Variants in MRO observed in about 807,000 individuals in gnomAD.
The protein encoded by MRO is protein maestro.
Under a neutral mutation model 31.0 loss-of-function variants are expected in MRO, and 28 were observed. The ratio of observed to expected loss-of-function variants is 0.90; its 90% CI spans 0.67 to 1.24. MRO has a LOEUF of 1.24. MRO is among the 50% of genes most tolerant of loss of function. The probability of loss-of-function intolerance (pLI) is 0.00; values close to 1 mark genes in which losing one functional copy is unlikely to be tolerated. For missense variants in MRO, 332 were observed against 289.2 expected, an observed-to-expected ratio of 1.15 and a Z score of -1.07; for synonymous variants, 108 against 108.4, an observed-to-expected ratio of 1.00 and a Z score of 0.02.
intron 2 of MRO, among the ~76,000 whole-genome samples, chr18:50,816,394 G>A (rs1397845779): frequency 6.6e-6 from 1 of 152,128 alleles, no homozygotes; most frequent in Non-Finnish European, 1.5e-5. Flanking sequence ...TGTGGTAGTG[G>A]TTCCAAGAAT....
intron 3 of MRO, 61 bp downstream of exon 3, chr18:50,809,241 C>G: frequency 7.9e-7 from 1 of 1,258,976 alleles, no homozygotes; most frequent in Non-Finnish European, 1.1e-6. Context: ...ACCAAGCAAA[C>G]ATACATCTTA....
At chr18:50,817,713 G>A (rs1012569230) in intron 2 of MRO, among the ~76,000 whole-genome samples, 12 of 150,330 alleles carry the variant, frequency 8.0e-5, no homozygotes, top group African/African-American at 2.9e-4. Flanking sequence ...AGTCAGGGAG[G>A]GAGCTGGGGC....
At chr18:50,812,804 G>A (rs528861916) in intron 2 of MRO, among the ~76,000 whole-genome samples, 9 of 152,156 alleles carry the variant, frequency 5.9e-5, no homozygotes, top group Non-Finnish European at 1.0e-4. Flanking sequence ...TCTTAACCCT[G>A]GCTACATTAG....
At chr18:50,808,562 G>A (rs1238173909) in intron 3 of MRO, among the ~76,000 whole-genome samples, 4 of 150,886 alleles carry the variant, frequency 2.7e-5, no homozygotes, top group Non-Finnish European at 5.9e-5. Flanking sequence ...GGGCTCAAGC[G>A]ATCCTCCCAC....
At chr18:50,814,217 C>A in intron 2 of MRO, among the ~76,000 whole-genome samples, 1 of 151,116 alleles carries the variant, frequency 6.6e-6, no homozygotes, top group African/African-American at 2.4e-5. Flanking sequence ...TTACTTTAGA[C>A]AAATAGGATT....
At position 50,806,962 on chromosome 18, in the gene MRO, C is replaced by T. The variant is rs964051995; in HGVS notation, c.100-112G>A. On this transcript the variant is annotated intron_variant, in intron 3 of 7. Coordinates refer to ENST00000398439, the MANE Select transcript of MRO (RefSeq NM_031939.6). Reference sequence around the variant, plus strand: ...CCGTGATTGCCTGCTCAATTTTACCCCTTCTTTCTCCTACTAAAGACGGCT... The same window carrying T: ...CCGTGATTGCCTGCTCAATTTTACCTCTTCTTTCTCCTACTAAAGACGGCT... 5 of 1,040,144 alleles carry T rather than the reference C, an allele frequency of 4.8e-6. No homozygotes were observed. The East Asian group carries it at 9.6e-5, about 20-fold the overall frequency. The allele number at this position is 1,040,144 out of a possible 1,614,324, so 64.4% of individuals were successfully genotyped here.
chr18:50,810,258 C>T (rs1326157449), intron 2 of MRO, among the ~76,000 whole-genome samples: 1 of 152,200 alleles, frequency 6.6e-6, no homozygotes, highest in African/African-American at 2.4e-5. Context: ...ATGGTTTGAA[C>T]ATAAATAAAT....
intron 3 of MRO, among the ~76,000 whole-genome samples, chr18:50,807,681 G>A (rs193012860): frequency 2.2e-4 from 33 of 152,332 alleles, no homozygotes; most frequent in African/African-American, 7.2e-4. Flanking sequence ...GGCACTTAAA[G>A]GATGTCCCAA....
In MRO at chr18:50,795,951, TAAAG is replaced by T. The variant is rs1271782521; in HGVS notation, c.*3382_*3385del. ...TGAGGCTCCATCTCAAAAATAAAAATAAAGAAAGAAAGACCTATCTCATGAGCAC... is the reference window on the plus strand; with the variant it reads ...TGAGGCTCCATCTCAAAAATAAAAATAAAGAAAGACCTATCTCATGAGCAC... On this transcript the variant is annotated 3_prime_UTR_variant, in exon 8 of 8. Transcript: ENST00000398439. 6.6e-6 allele frequency: 1 copy of T among 151,768 alleles called. No individual in the cohort carries two copies. Among genetic ancestry groups the T allele is most frequent in the African/African-American group, 2.4e-5 (1 of 41,292 alleles). The allele number at this position is 151,768 out of a possible 1,614,324, so 9.4% of individuals were successfully genotyped here.
In MRO at chr18:50,798,638, T is replaced by C. The variant is rs977486142; in HGVS notation, c.*699A>G. ...TTAAATAGAACTTACAAAAAGCACTTTGACCGTGCCCACTGAATTGTAAGC... is the reference window on the plus strand; with the variant it reads ...TTAAATAGAACTTACAAAAAGCACTCTGACCGTGCCCACTGAATTGTAAGC... On this transcript the variant is annotated 3_prime_UTR_variant, in exon 8 of 8. Transcript: ENST00000398439. The C allele has an allele frequency of 6.6e-6, 1 of 152,212 alleles. No homozygotes were observed. The highest frequency in any genetic ancestry group is 1.5e-5 in the Non-Finnish European group (1 of 68,058). 9.4% of individuals were successfully genotyped at this position (152,212 alleles called of 1,614,324 possible). A position where few individuals can be genotyped will look rare whatever the true frequency, so the allele number is the denominator to read the frequency against.
At position 50,819,955 on chromosome 18, in the gene MRO, CCTT is replaced by C. The variant is rs1568139340; in HGVS notation, c.-188_-186del. 1 of 1,551,606 alleles carries C rather than the reference CCTT, an allele frequency of 6.4e-7. No homozygotes were observed. Among genetic ancestry groups the C allele is most frequent in the Non-Finnish European group, 8.7e-7 (1 of 1,146,954 alleles). On this transcript the variant is annotated 5_prime_UTR_variant, in exon 1 of 8. Transcript: ENST00000398439. ...CCTTCTCCTTGCTGTGATTTCCCCTCCTTCTTCCCTCATGCCAGCCTGGTCGAC... is the reference window on the plus strand; with the variant it reads ...CCTTCTCCTTGCTGTGATTTCCCCTCCTTCCCTCATGCCAGCCTGGTCGAC...
Position 50,809,460 on chromosome 18 carries a change from C to T in MRO, c.-4-56G>A. The stretch of plus-strand genomic sequence containing the variant: ...GCCACAGACACTCATCATCAACAAA[C>T]ATTGTTGTACAATGCATTGTGCTGG... On this transcript the variant is annotated intron_variant, in intron 2 of 7. Transcript: ENST00000398439. The T allele has an allele frequency of 2.5e-6, 3 of 1,214,938 alleles. No individual in the cohort carries two copies. The Admixed American group carries it at 5.3e-5, about 21-fold the overall frequency. The allele number at this position is 1,214,938 out of a possible 1,614,324, so 75.3% of individuals were successfully genotyped here. A position where few individuals can be genotyped will look rare whatever the true frequency, so the allele number is the denominator to read the frequency against.
upstream of MRO, chr18:50,823,501 G>T (rs773503727): frequency 6.6e-6 from 1 of 152,170 alleles, no homozygotes; most frequent in Non-Finnish European, 1.5e-5. Flanking sequence ...TTACTTGATA[G>T]TTATTGTTGG....
intron 6 of MRO, among the ~76,000 whole-genome samples, chr18:50,801,052 T>G (rs796396627): frequency 6.6e-6 from 1 of 152,146 alleles, no homozygotes; most frequent in South Asian, 2.1e-4. Context: ...CCTCATTATG[T>G]GGGCTGCTGC....
At position 50,799,120 on chromosome 18, in the gene MRO, G is replaced by A. The variant is rs112454301; in HGVS notation, c.*217C>T. Reference sequence around the variant, plus strand: ...CCTGCTCATCAAATTTGTATGGGGAGGAAATGAAATAAGTGAAAGCAGTCT... The same window carrying A: ...CCTGCTCATCAAATTTGTATGGGGAAGAAATGAAATAAGTGAAAGCAGTCT... On this transcript the variant is annotated 3_prime_UTR_variant, in exon 8 of 8. Transcript: ENST00000398439. 860 of 511,448 alleles carry A rather than the reference G, an allele frequency of 1.7e-3. 6 individuals carry two copies. The highest frequency in any genetic ancestry group is 9.1e-3 in the South Asian group (383 of 42,034). The allele number at this position is 511,448 out of a possible 1,614,324, so 31.7% of individuals were successfully genotyped here.
intron 2 of MRO, among the ~76,000 whole-genome samples, chr18:50,809,886 A>G (rs1914319810): frequency 6.6e-6 from 1 of 152,264 alleles, no homozygotes; most frequent in East Asian, 1.9e-4. Flanking sequence ...TCATATGTTC[A>G]AAGATATACA....
Position 50,819,893 on chromosome 18 carries a change from C to A in MRO, c.-127+4G>T, listed in dbSNP as rs377514944. 6.4e-5 allele frequency: 99 copies of A among 1,551,380 alleles called. No individual in the cohort carries two copies. The highest frequency in any genetic ancestry group is 1.4e-4 in the Admixed American group (7 of 51,000). On this transcript the variant is annotated splice_donor_region_variant and intron_variant, in intron 1 of 7. Coordinates refer to ENST00000398439, the MANE Select transcript of MRO (RefSeq NM_031939.6). ...TGTAGGGTGGCACAAGCATGACTTGCTACCTTTGCTTCCCCACGCCATGCT... is the reference window on the plus strand; with the variant it reads ...TGTAGGGTGGCACAAGCATGACTTGATACCTTTGCTTCCCCACGCCATGCT...
intron 6 of MRO, among the ~76,000 whole-genome samples, chr18:50,800,928 A>G (rs1467275466): frequency 6.6e-6 from 1 of 151,644 alleles, no homozygotes; most frequent in Non-Finnish European, 1.5e-5. Context: ...GAAAGGAAGG[A>G]AGGAAAGAAG....
chr18:50,798,737 T>C lies in MRO; in HGVS notation c.*600A>G, dbSNP rs536018985. On this transcript the variant is annotated 3_prime_UTR_variant, in exon 8 of 8. Transcript: ENST00000398439. ...GGATTTTCAACACATGCTTTATAGA[T>C]TTTTTTCTCTCTATTAATTCTTGTT... 2 of 152,334 alleles carry C rather than the reference T, an allele frequency of 1.3e-5. No individual in the cohort carries two copies. Among genetic ancestry groups the C allele is most frequent in the African/African-American group, 2.4e-5 (1 of 41,552 alleles). The allele number at this position is 152,334 out of a possible 1,614,324, so 9.4% of individuals were successfully genotyped here. A position where few individuals can be genotyped will look rare whatever the true frequency, so the allele number is the denominator to read the frequency against.
Sources: gnomAD v4.1 joint callset for allele counts (sites outside exome capture counted in the v4.1 genomes callset) on GRCh38, gnomAD v4.1.1 for gene constraint, MANE v1.5 for transcripts, NCBI Gene and HGNC (gene_info 2026-07-23, HGNC 2026-07-21) for gene names.